Variants in DBF4B observed in about 807,000 individuals in gnomAD.
DBF4B encodes the protein protein DBF4 homolog B.
In DBF4B, 49 loss-of-function variants were observed where a neutral mutation model predicts 53.4. The observed-to-expected ratio is 0.92, with a 90% confidence interval of 0.73 to 1.16. DBF4B has a LOEUF of 1.16. Ranked by LOEUF, DBF4B falls within the 50% of genes most tolerant of loss-of-function variation. DBF4B has a pLI of 0.00. For synonymous variants in DBF4B, 257 were observed against 288.7 expected (o/e 0.89, Z 1.11); for missense variants, 692 against 775.0 (o/e 0.89, Z 1.27).
intron 10 of DBF4B, among the ~76,000 whole-genome samples, chr17:44,745,641 T>C (rs1249856936): frequency 1.3e-5 from 2 of 152,342 alleles, no homozygotes; most frequent in Middle Eastern, 3.4e-3. Flanking sequence ...GGTCTCTCCA[T>C]TGACACTTGG....
At chr17:44,727,098 C>CAA (rs60326279) in intron 3 of DBF4B, among the ~76,000 whole-genome samples, 19 of 49,490 alleles carry the variant, frequency 3.8e-4, no homozygotes, top group African/African-American at 9.7e-4. Flanking sequence ...GACTCCATCT[C>CAA]AAAAAAAAAA....
chr17:44,746,788 C>G (rs886932903), intron 10 of DBF4B, among the ~76,000 whole-genome samples: 1 of 150,236 alleles, frequency 6.7e-6, no homozygotes, highest in Non-Finnish European at 1.5e-5. Flanking sequence ...CACTGCACTC[C>G]AGCCTGGGTG....
chr17:44,720,853 C>T (rs1244478920), intron 2 of DBF4B, among the ~76,000 whole-genome samples: 1 of 150,744 alleles, frequency 6.6e-6, no homozygotes, highest in Non-Finnish European at 1.5e-5. Context: ...CCAACACTTG[C>T]TATTATCTGG....
Position 44,722,862 on chromosome 17 carries a change from C to A in DBF4B, c.83-18C>A, listed in dbSNP as rs772111644. ...TCTTTTCAAACTTCTTACTTTGCTC[C>A]TCTTTATTGTTTTCTAGGAGTTTCC... On this transcript the variant is annotated intron_variant, in intron 2 of 13. Transcript: ENST00000315005. The A allele has an allele frequency of 6.2e-7, 1 of 1,612,146 alleles. No individual in the cohort carries two copies. The highest frequency in any genetic ancestry group is 1.3e-5 in the African/African-American group (1 of 74,662).
At chr17:44,721,552 T>A (rs1420593072) in intron 2 of DBF4B, among the ~76,000 whole-genome samples, 1 of 152,104 alleles carries the variant, frequency 6.6e-6, no homozygotes, top group Non-Finnish European at 1.5e-5. Context: ...TCCTGCTTTA[T>A]GTTTTCCTGT....
Position 44,735,203 on chromosome 17 carries a change from A to G in DBF4B, c.630+1040A>G, listed in dbSNP as rs906982400. On this transcript the variant is annotated intron_variant, in intron 7 of 13. Transcript: ENST00000315005. The stretch of plus-strand genomic sequence containing the variant: ...ACATTGCTGCTGTTAAATTTGTGTT[A>G]TTCAAAATTCAAAAGGGTATACAAC... 6.6e-5 allele frequency among the ~76,000 whole-genome samples: 10 copies of G among 152,330 alleles called. 1 individual carries two copies. Among genetic ancestry groups the G allele is most frequent in the Admixed American group, 6.5e-4 (10 of 15,302 alleles).
intron 10 of DBF4B, among the ~76,000 whole-genome samples, chr17:44,741,696 C>CCTT (rs1233563742): frequency 1.3e-5 from 2 of 152,142 alleles, no homozygotes; most frequent in African/African-American, 4.8e-5. Context: ...AAGGGCACCC[C>CCTT]CTTCTCCTTA....
intron 13 of DBF4B, chr17:44,748,979 T>C: frequency 7.8e-7 from 1 of 1,289,814 alleles, no homozygotes; most frequent in South Asian, 1.2e-5. Flanking sequence ...CCCTCCTGGC[T>C]GGGGAAAGGG....
intron 12 of DBF4B, among the ~76,000 whole-genome samples, chr17:44,748,058 A>G (rs2049154209): frequency 6.6e-6 from 1 of 152,168 alleles, no homozygotes; most frequent in Non-Finnish European, 1.5e-5. Context: ...TTCAGCTGCC[A>G]AAGGGCACAG....
At chr17:44,734,214 C>T in intron 7 of DBF4B, 51 bp downstream of exon 7, 2 of 1,611,798 alleles carry the variant, frequency 1.2e-6, no homozygotes, top group Non-Finnish European at 1.7e-6. Flanking sequence ...TCAATGAAAT[C>T]AGTGACAACT....
chr17:44,746,066 A>G (rs1367539063), intron 10 of DBF4B, among the ~76,000 whole-genome samples: 2 of 150,722 alleles, frequency 1.3e-5, no homozygotes, highest in Admixed American at 1.3e-4. Context: ...AAAAAAAAAA[A>G]AAAAAAAGAA....
intron 5 of DBF4B, 32 bp downstream of exon 5, chr17:44,731,047 G>A: frequency 6.2e-7 from 1 of 1,613,586 alleles, no homozygotes; most frequent in Admixed American, 1.7e-5. Context: ...CAGAGCCGGT[G>A]GTCTCCAGCA....
Position 44,738,362 on chromosome 17 carries a change from C to T in DBF4B, c.668-17C>T. On this transcript the variant is annotated splice_polypyrimidine_tract_variant and intron_variant, in intron 8 of 13. Transcript: ENST00000315005. Reference sequence around the variant, plus strand: ...GGGGCAGACAGATAGCTGATGTGTGCATTCTTCCCCTTTCAGTGGCCAGAC... The same window carrying T: ...GGGGCAGACAGATAGCTGATGTGTGTATTCTTCCCCTTTCAGTGGCCAGAC... The T allele has an allele frequency of 6.2e-7, 1 of 1,612,508 alleles. No individual in the cohort carries two copies. Among genetic ancestry groups the T allele is most frequent in the Non-Finnish European group, 8.5e-7 (1 of 1,179,004 alleles).
chr17:44,713,828 C>T (rs1451360830), intron 2 of DBF4B, among the ~76,000 whole-genome samples: 2 of 152,048 alleles, frequency 1.3e-5, no homozygotes, highest in Non-Finnish European at 1.5e-5. Context: ...GGAGACATAG[C>T]GTTTTAGTAC....
intron 10 of DBF4B, among the ~76,000 whole-genome samples, chr17:44,742,775 T>C (rs1976206523): frequency 2.0e-5 from 3 of 152,198 alleles, no homozygotes; most frequent in African/African-American, 7.2e-5. Context: ...GCTTGTGGGC[T>C]TGTTAATGTT....
intron 9 of DBF4B, among the ~76,000 whole-genome samples, chr17:44,740,894 G>A (rs1046476503): frequency 3.9e-5 from 6 of 152,208 alleles, no homozygotes; most frequent in Admixed American, 2.6e-4. Context: ...CCAGCACTTT[G>A]GGAGGCTGAG....
At chr17:44,731,204 AG>A (rs1974803899) in intron 5 of DBF4B, 189 bp downstream of exon 5, 3 of 629,680 alleles carry the variant, frequency 4.8e-6, no homozygotes, top group African/African-American at 1.8e-5. Context: ...TCACCTAGAG[AG>A]TAAGTGTTGA....
chr17:44,710,892 T>G (rs1972807843), intron 2 of DBF4B, among the ~76,000 whole-genome samples: 1 of 152,022 alleles, frequency 6.6e-6, no homozygotes, highest in Non-Finnish European at 1.5e-5. Flanking sequence ...GATTATACAT[T>G]TTTATATTTG....
At chr17:44,744,095 C>A (rs937798118) in intron 10 of DBF4B, among the ~76,000 whole-genome samples, 2 of 64,290 alleles carry the variant, frequency 3.1e-5, no homozygotes, top group African/African-American at 6.2e-5. Context: ...CCCCCCCCCC[C>A]CGCCCATCTC....
Sources: gnomAD v4.1 joint callset for allele counts (sites outside exome capture counted in the v4.1 genomes callset) on GRCh38, gnomAD v4.1.1 for gene constraint, MANE v1.5 for transcripts, NCBI Gene and HGNC (gene_info 2026-07-23, HGNC 2026-07-21) for gene names.